The following VTI1A variants were observed in gnomAD, a reference collection of about 807,000 sequenced individuals.
VTI1A encodes the protein vesicle transport through interaction with t-SNAREs homolog 1A.
VTI1A carries 22 observed loss-of-function variants against 34.9 expected under a neutral mutation model. That is an observed-to-expected ratio of 0.63 (90% CI 0.45 to 0.90). The LOEUF is 0.90. VTI1A is among the 40% of genes least tolerant of loss of function. The pLI, the probability that VTI1A is intolerant of heterozygous loss-of-function variation, is 0.00. For missense variants in VTI1A, 268 were observed against 275.6 expected (o/e 0.97, Z 0.20); for synonymous variants, 87 against 97.3 (o/e 0.89, Z 0.62).
the VTI1A span, among the ~76,000 whole-genome samples, chr10:112,841,017 A>G: frequency 6.6e-6 from 1 of 152,164 alleles, no homozygotes; most frequent in African/African-American, 2.4e-5. Flanking sequence ...AGTGGTGGTG[A>G]TAATGTGCGG....
intron 5 of VTI1A, among the ~76,000 whole-genome samples, chr10:112,567,690 A>G (rs888724328): frequency 2.6e-5 from 4 of 152,244 alleles, no homozygotes; most frequent in African/African-American, 2.4e-5. Flanking sequence ...TGACATTATT[A>G]GTCTGTTATT....
chr10:112,498,641 G>A (rs978715495), intron 3 of VTI1A, among the ~76,000 whole-genome samples: 3 of 152,114 alleles, frequency 2.0e-5, no homozygotes, highest in African/African-American at 7.2e-5. Context: ...TAAAGATTGT[G>A]GGATACATTC....
intron 7 of VTI1A, among the ~76,000 whole-genome samples, chr10:112,756,174 T>C (rs1851276857): frequency 6.6e-6 from 1 of 152,132 alleles, no homozygotes; most frequent in African/African-American, 2.4e-5. Context: ...ACAAGTAAAC[T>C]GTTGGATGTG....
At chr10:112,594,638 C>T (rs564665582) in intron 5 of VTI1A, among the ~76,000 whole-genome samples, 2,391 of 152,040 alleles carry the variant, frequency 0.016, 75 homozygotes, top group African/African-American at 0.053. Flanking sequence ...GAACTACAAA[C>T]CACTGCTCAA....
chr10:112,582,386 G>C (rs1388688861), intron 5 of VTI1A, among the ~76,000 whole-genome samples: 5 of 152,086 alleles, frequency 3.3e-5, no homozygotes, highest in Admixed American at 3.3e-4. Context: ...TTCACCTCTT[G>C]TTCCCCCAAA....
At chr10:112,637,363 A>G (rs1846393066) in intron 5 of VTI1A, among the ~76,000 whole-genome samples, 1 of 152,200 alleles carries the variant, frequency 6.6e-6, no homozygotes, top group Non-Finnish European at 1.5e-5. Context: ...TCCGCAAAAA[A>G]TCATGATTAG....
intron 5 of VTI1A, among the ~76,000 whole-genome samples, chr10:112,583,619 T>A (rs1844036841): frequency 6.6e-6 from 1 of 152,144 alleles, no homozygotes; most frequent in Admixed American, 6.6e-5. Flanking sequence ...GTTAGAGGTG[T>A]GATACAAAAG....
chr10:112,775,299 T>TA (rs1851930116), intron 7 of VTI1A, among the ~76,000 whole-genome samples: 1 of 152,150 alleles, frequency 6.6e-6, no homozygotes, highest in African/African-American at 2.4e-5. Context: ...ATCGATCTCT[T>TA]ATATTTGTTT....
intron 7 of VTI1A, among the ~76,000 whole-genome samples, chr10:112,753,940 TAAG>T (rs572402711): frequency 3.2e-4 from 48 of 152,216 alleles, no homozygotes; most frequent in Non-Finnish European, 5.7e-4. Flanking sequence ...TCTAAAACTG[TAAG>T]AAGAAGAACA....
chr10:112,812,606 G>T (rs1041042385), intron 7 of VTI1A, among the ~76,000 whole-genome samples: 1 of 152,154 alleles, frequency 6.6e-6, no homozygotes, highest in Non-Finnish European at 1.5e-5. Context: ...GTCCTGAGGG[G>T]TATCACATTT....
chr10:112,795,431 C>CTTTTTTTTTTTTTTTTTTT (rs35159993), intron 7 of VTI1A, among the ~76,000 whole-genome samples: 11 of 123,988 alleles, frequency 8.9e-5, no homozygotes, highest in East Asian at 2.3e-4. Context: ...CCCTATTACT[C>CTTTTTTTTTTTTTTTTTTT]TTTTTTTTTT....
intron 5 of VTI1A, among the ~76,000 whole-genome samples, chr10:112,551,280 G>A (rs1450271115): frequency 6.8e-6 from 1 of 146,232 alleles, no homozygotes; most frequent in Non-Finnish European, 1.5e-5. Context: ...CCTTCACAAT[G>A]GAGCTATTTT....
At chr10:112,704,673 G>T (rs967220543) in intron 7 of VTI1A, among the ~76,000 whole-genome samples, 1 of 152,038 alleles carries the variant, frequency 6.6e-6, no homozygotes, top group Non-Finnish European at 1.5e-5. Flanking sequence ...TGAGGTGTTT[G>T]TTATGTATAT....
chr10:112,844,422 C>T, the VTI1A span, among the ~76,000 whole-genome samples: 6 of 152,164 alleles, frequency 3.9e-5, no homozygotes, highest in South Asian at 4.1e-4. Context: ...AAAGCCAAGA[C>T]GGAGTCTTGC....
At chr10:112,669,083 A>G in intron 7 of VTI1A, 85 bp downstream of exon 7, 2 of 1,504,478 alleles carry the variant, frequency 1.3e-6, no homozygotes, top group Non-Finnish European at 1.8e-6. Context: ...GGGGCATATT[A>G]CATGCTTTTG....
At chr10:112,538,574 C>G (rs1319762210) in intron 5 of VTI1A, 12 of 397,768 alleles carry the variant, frequency 3.0e-5, no homozygotes, top group Admixed American at 8.5e-5. Flanking sequence ...AATACTTTGT[C>G]TAAATTCTAC....
rs551954266 is a variant in VTI1A, at chr10:112,767,977, A to G, written c.561-47313A>G. ...CGTATTACTTCCCCCTTGGATCCTC[A>G]TGCCTTTCCTGGACTTCTGTGCTCC... On this transcript the variant is annotated intron_variant, in intron 7 of 7. Coordinates refer to ENST00000393077, the MANE Select transcript of VTI1A (RefSeq NM_145206.4). The surrounding 1 kb of genome is among the most constrained non-coding windows in gnomAD (Gnocchi z 4.0). Among the ~76,000 whole-genome samples the G allele has an allele frequency of 6.6e-6, 1 of 152,210 alleles. No individual in the cohort carries two copies. Among genetic ancestry groups the G allele is most frequent in the East Asian group, 1.9e-4 (1 of 5,170 alleles).
At chr10:112,760,658 A>G (rs1267997111) in intron 7 of VTI1A, among the ~76,000 whole-genome samples, 1 of 152,222 alleles carries the variant, frequency 6.6e-6, no homozygotes. Context: ...TGGGAGGCCA[A>G]GGCGGGCAGA....
chr10:112,658,763 T>C (rs1847331817), intron 5 of VTI1A, among the ~76,000 whole-genome samples: 1 of 152,204 alleles, frequency 6.6e-6, no homozygotes, highest in Non-Finnish European at 1.5e-5. Context: ...AGCCTGTGTT[T>C]ACCAAGTGGG....
Sources: gnomAD v4.1 joint callset for allele counts (sites outside exome capture counted in the v4.1 genomes callset) on GRCh38, gnomAD v4.1.1 for gene constraint, Gnocchi (gnomAD v3.1) non-coding constraint, MANE v1.5 for transcripts, NCBI Gene and HGNC (gene_info 2026-07-23, HGNC 2026-07-21) for gene names.